HEBP1: variants seen among roughly 807,000 people sequenced by gnomAD.
HEBP1 encodes heme-binding protein 1.
Under a neutral mutation model 20.4 loss-of-function variants are expected in HEBP1, and 13 were observed. The ratio of observed to expected loss-of-function variants is 0.64; its 90% CI spans 0.42 to 1.01. The LOEUF (loss-of-function observed/expected upper bound fraction) is 1.01. Ranked by LOEUF, HEBP1 falls within the 50% of genes least tolerant of loss-of-function variation. The pLI, the probability that HEBP1 is intolerant of heterozygous loss-of-function variation, is 0.00. For missense variants in HEBP1, 241 were observed against 247.3 expected, an observed-to-expected ratio of 0.97 and a Z score of 0.17; for synonymous variants, 92 against 90.7, an observed-to-expected ratio of 1.01 and a Z score of -0.08.
intron 3 of HEBP1, among the ~76,000 whole-genome samples, chr12:12,982,175 C>G (rs1592401041): frequency 6.6e-6 from 1 of 152,240 alleles, no homozygotes; most frequent in East Asian, 1.9e-4. Flanking sequence ...AGGCCCTGCC[C>G]TTGGGAAGCT....
At chr12:12,976,077 C>CAAAAAAA (rs56110606) in intron 3 of HEBP1, among the ~76,000 whole-genome samples, 12 of 85,838 alleles carry the variant, frequency 1.4e-4, no homozygotes, top group African/African-American at 3.3e-4. Flanking sequence ...GACCCTGTGT[C>CAAAAAAA]AAAAAAAAAA....
At chr12:12,978,521 A>G (rs1476478458) in intron 3 of HEBP1, among the ~76,000 whole-genome samples, 4 of 152,104 alleles carry the variant, frequency 2.6e-5, no homozygotes, top group Non-Finnish European at 5.9e-5. Flanking sequence ...GTTTTAAAGT[A>G]GAGGACTGGC....
At chr12:12,993,004 C>A (rs942054364) in intron 1 of HEBP1, among the ~76,000 whole-genome samples, 1 of 152,160 alleles carries the variant, frequency 6.6e-6, no homozygotes, top group African/African-American at 2.4e-5. Context: ...CTACTCCAGT[C>A]TAATACTCGT....
chr12:12,999,804 GTC>G, intron 1 of HEBP1, among the ~76,000 whole-genome samples: 1 of 152,346 alleles, frequency 6.6e-6, no homozygotes, highest in Middle Eastern at 3.4e-3. Flanking sequence ...CCTTGGATCA[GTC>G]TCTCCTGTTT....
chr12:13,000,022 G>A lies in HEBP1; in HGVS notation c.78+15C>T. ...GCAGCAATCCTTCAGGTCCTCGGCA[G>A]CCCTGCGGGCCTACCTTGTCCCCTT... On this transcript the variant is annotated intron_variant, in intron 1 of 3. Transcript: ENST00000014930. 6.3e-7 allele frequency: 1 copy of A among 1,591,438 alleles called. No homozygotes were observed. Among genetic ancestry groups the A allele is most frequent in the East Asian group, 2.3e-5 (1 of 44,382 alleles).
intron 2 of HEBP1, among the ~76,000 whole-genome samples, chr12:12,987,635 T>TC (rs1491174574): frequency 4.6e-5 from 7 of 151,526 alleles, no homozygotes; most frequent in Non-Finnish European, 5.9e-5. Flanking sequence ...TCTCTCTCTC[T>TC]TTCTTTCTTT....
intron 1 of HEBP1, among the ~76,000 whole-genome samples, chr12:12,995,798 A>T (rs1864281744): frequency 6.6e-6 from 1 of 152,232 alleles, no homozygotes; most frequent in Non-Finnish European, 1.5e-5. Context: ...GACATGGAAC[A>T]CAATAGTAGC....
At chr12:12,991,460 C>T (rs909163063) in intron 1 of HEBP1, among the ~76,000 whole-genome samples, 1 of 152,182 alleles carries the variant, frequency 6.6e-6, no homozygotes, top group Non-Finnish European at 1.5e-5. Context: ...ATCCTTCTTT[C>T]ATCTCCCCAT....
intron 3 of HEBP1, among the ~76,000 whole-genome samples, chr12:12,982,011 C>CG (rs1462086167): frequency 2.0e-5 from 3 of 152,132 alleles, no homozygotes; most frequent in African/African-American, 4.8e-5. Context: ...TATTTAGAGA[C>CG]GGGGTCTCAT....
At chr12:12,990,278 C>G (rs1864205743) in intron 1 of HEBP1, among the ~76,000 whole-genome samples, 1 of 152,140 alleles carries the variant, frequency 6.6e-6, no homozygotes, top group Non-Finnish European at 1.5e-5. Flanking sequence ...AAGCGATCCT[C>G]CTACTTAGGC....
At position 12,975,147 on chromosome 12, in the gene HEBP1, T is replaced by C. The variant is rs1232653059; in HGVS notation, c.*161A>G. ...ACTGTGAGAAAAGAGACTTAGTATATGGAACATGCTTTTTTCAGAAAATTG... is the reference window on the plus strand; with the variant it reads ...ACTGTGAGAAAAGAGACTTAGTATACGGAACATGCTTTTTTCAGAAAATTG... On this transcript the variant is annotated 3_prime_UTR_variant, in exon 4 of 4. Coordinates refer to ENST00000014930, the MANE Select transcript of HEBP1 (RefSeq NM_015987.5). 3.2e-6 allele frequency: 2 copies of C among 624,864 alleles called. No individual in the cohort carries two copies. Among genetic ancestry groups the C allele is most frequent in the African/African-American group, 3.7e-5 (2 of 53,480 alleles). 38.7% of individuals were successfully genotyped at this position (624,864 alleles called of 1,614,324 possible). A position where few individuals can be genotyped will look rare whatever the true frequency, so the allele number is the denominator to read the frequency against.
Position 12,989,315 on chromosome 12 carries a change from G to A in HEBP1, c.179C>T (p.Pro60Leu), listed in dbSNP as rs764407715. The change falls in exon 2 of 4, where the codon CCC becomes CTC. Residue 60 changes from proline to leucine, a missense_variant. Pro to Leu is a moderately conservative substitution (Grantham distance 98). Transcript: ENST00000014930. ...GCCCCCCGCATACTTTGCGACCTTGGGCATTGCTTCCCGTAGAGCCTCATC... is the reference window on the plus strand; with the variant it reads ...GCCCCCCGCATACTTTGCGACCTTGAGCATTGCTTCCCGTAGAGCCTCATC... ...PVDEALREAM[P>L]KVAKYAGGTN... 1.2e-6 allele frequency: 2 copies of A among 1,614,136 alleles called. No individual in the cohort carries two copies. The highest frequency in any genetic ancestry group is 2.2e-5 in the South Asian group (2 of 91,080).
intron 3 of HEBP1, among the ~76,000 whole-genome samples, chr12:12,985,329 C>A (rs567350509): frequency 6.6e-6 from 1 of 152,016 alleles, no homozygotes; most frequent in African/African-American, 2.4e-5. Context: ...TAAAAATAAT[C>A]CAGGGTAGGG....
chr12:12,981,489 G>T (rs1393139575), intron 3 of HEBP1, among the ~76,000 whole-genome samples: 4 of 152,116 alleles, frequency 2.6e-5, no homozygotes, highest in South Asian at 2.1e-4. Context: ...GATTAATTAG[G>T]CTGAGACACA....
rs1863968061 is a variant in HEBP1, at chr12:12,975,489, C to G, written c.399-10G>C. ...ATAACCACCAAACTGCCTGGGGGTT[C>G]AAGAGCAAGGGCTGGTTACGAAAGG... On this transcript the variant is annotated splice_polypyrimidine_tract_variant and intron_variant, in intron 3 of 3. Coordinates refer to ENST00000014930, the MANE Select transcript of HEBP1 (RefSeq NM_015987.5). The G allele has an allele frequency of 1.3e-6, 2 of 1,598,516 alleles. No individual in the cohort carries two copies. Among genetic ancestry groups the G allele is most frequent in the African/African-American group, 2.7e-5 (2 of 73,682 alleles).
At chr12:12,997,518 C>A (rs1864305842) in intron 1 of HEBP1, among the ~76,000 whole-genome samples, 1 of 152,124 alleles carries the variant, frequency 6.6e-6, no homozygotes, top group Admixed American at 6.5e-5. Flanking sequence ...CACAGAGAAG[C>A]TCCTAGTAGT....
chr12:12,996,321 A>C lies in HEBP1; in HGVS notation c.78+3716T>G, dbSNP rs1209618156. Among the ~76,000 whole-genome samples the C allele has an allele frequency of 6.6e-6, 1 of 152,234 alleles. No homozygotes were observed. The highest frequency in any genetic ancestry group is 1.5e-5 in the Non-Finnish European group (1 of 68,052). On this transcript the variant is annotated intron_variant, in intron 1 of 3. Coordinates refer to ENST00000014930, the MANE Select transcript of HEBP1 (RefSeq NM_015987.5). This position sits in a 1 kb window ranked among gnomAD's most constrained non-coding sequence, Gnocchi z 4.1. ...TGTGCACAGGCCGGACACAAATCTG[A>C]TTAAGGATGTCAGTTACTAATATCA... is the stretch of plus-strand genomic sequence containing the variant.
chr12:12,995,186 T>A lies in HEBP1; in HGVS notation c.78+4851A>T, dbSNP rs549014683. On this transcript the variant is annotated intron_variant, in intron 1 of 3. Coordinates refer to ENST00000014930, the MANE Select transcript of HEBP1 (RefSeq NM_015987.5). ...AGGCTCCAACCTAAAAGTTACTTCC[T>A]CAGAGAGGATCCTGACTTAAAATAG... Among the ~76,000 whole-genome samples, 35 of 152,270 alleles carry A rather than the reference T, an allele frequency of 2.3e-4. No individual in the cohort carries two copies. The South Asian group carries it at 7.2e-3, about 32-fold the overall frequency.
intron 1 of HEBP1, among the ~76,000 whole-genome samples, chr12:12,994,483 A>G (rs1864267849): frequency 6.6e-6 from 1 of 152,204 alleles, no homozygotes; most frequent in Non-Finnish European, 1.5e-5. Flanking sequence ...AAAGAGATCT[A>G]TAAAATGGCA....
Sources: gnomAD v4.1 joint callset for allele counts (sites outside exome capture counted in the v4.1 genomes callset) on GRCh38, gnomAD v4.1.1 for gene constraint, Gnocchi (gnomAD v3.1) non-coding constraint, MANE v1.5 for transcripts, NCBI Gene and HGNC (gene_info 2026-07-23, HGNC 2026-07-21) for gene names.